The following MPP4 variants were observed in gnomAD, a reference collection of about 807,000 sequenced individuals.
The protein encoded by MPP4 is MAGUK p55 scaffold protein 4.
A neutral mutation model predicts 98.3 loss-of-function variants in MPP4; 91 were observed. The observed-to-expected ratio is 0.93, with a 90% CI of 0.78 to 1.10. MPP4 has a LOEUF of 1.10. Among genes scored for constraint, MPP4 ranks in the 50% least tolerant of loss-of-function variants. The pLI, the probability that MPP4 is intolerant of heterozygous loss-of-function variation, is 0.00. For synonymous variants in MPP4, 261 were observed against 271.8 expected, an observed-to-expected ratio of 0.96 and a Z score of 0.39; for missense variants, 744 against 792.9, an observed-to-expected ratio of 0.94 and a Z score of 0.74.
intron 18 of MPP4, chr2:201,651,397 T>G (rs1687709183): frequency 5.1e-6 from 5 of 985,408 alleles, no homozygotes; most frequent in Non-Finnish European, 6.0e-6. Flanking sequence ...TAAAACCTTA[T>G]AGCTCTCAGG....
intron 7 of MPP4, 103 bp downstream of exon 7, chr2:201,684,947 CAAAAAAAAAAAAAG>C: frequency 1.4e-5 from 7 of 512,682 alleles, no homozygotes; most frequent in Non-Finnish European, 1.9e-5. Flanking sequence ...GACTCCATCT[CAAAAAAAAAAAAAG>C]AAAAAAAAAA....
At chr2:201,695,211 A>G (rs1456901292) in intron 1 of MPP4, among the ~76,000 whole-genome samples, 3 of 152,140 alleles carry the variant, frequency 2.0e-5, no homozygotes. Context: ...TACCTGCTCC[A>G]AGATGGCAGC....
Position 201,682,881 on chromosome 2 carries a change from TCA to T in MPP4, c.608_609del (p.Val203GlufsTer6). The T allele has an allele frequency of 6.2e-7, 1 of 1,613,956 alleles. No homozygotes were observed. Among genetic ancestry groups the T allele is most frequent in the Non-Finnish European group, 8.5e-7 (1 of 1,179,858 alleles). On this transcript the variant is annotated frameshift_variant, in exon 8 of 22. Coordinates refer to ENST00000409474, the MANE Select transcript of MPP4 (RefSeq NM_033066.3). LOFTEE classifies it high-confidence loss of function. ...LLYAGDKLVE[V>X]NGVSVEGLDP... is the part of the protein sequence containing the mutation. ...TCCAGTCCCTCAACTGAAACTCCAT[TCA>T]CTTCTACCAGTTTGTCTCCAGCATA... is the stretch of plus-strand genomic sequence containing the variant.
chr2:201,657,626 G>A (rs1378136825), intron 16 of MPP4, among the ~76,000 whole-genome samples: 5 of 63,290 alleles, frequency 7.9e-5, no homozygotes, highest in South Asian at 4.7e-4. Flanking sequence ...TTTGCTTATT[G>A]TATCAATCAA....
intron 11 of MPP4, among the ~76,000 whole-genome samples, chr2:201,670,171 C>T (rs896955357): frequency 6.6e-6 from 1 of 152,140 alleles, no homozygotes; most frequent in Non-Finnish European, 1.5e-5. Context: ...ACTATAAGTG[C>T]ACCTTCAGTA....
At position 201,693,005 on chromosome 2, in the gene MPP4, A is replaced by G. The variant is rs774409591; in HGVS notation, c.104T>C (p.Val35Ala). The part of the protein sequence containing the change: ...QNGLSQILRL[V>A]LQELSLFYGR... Reference sequence around the variant, plus strand: ...GTAGAACAGACTCAGCTCTTGCAGCACAAGCCTCAGGATCTGGGAGAGGCC... The same window carrying G: ...GTAGAACAGACTCAGCTCTTGCAGCGCAAGCCTCAGGATCTGGGAGAGGCC... Residue 35 changes from valine (V) to alanine (A), a missense_variant, in exon 3 of 22, where the codon GTG (valine) becomes GCG (alanine). Physicochemically the swap from Val to Ala is moderately conservative, Grantham distance 64. Coordinates refer to ENST00000409474, the MANE Select transcript of MPP4 (RefSeq NM_033066.3). 1.2e-6 allele frequency: 2 copies of G among 1,612,950 alleles called. No individual in the cohort carries two copies. Among genetic ancestry groups the G allele is most frequent in the Admixed American group, 3.3e-5 (2 of 59,910 alleles).
chr2:201,692,814 A>T, intron 3 of MPP4, 94 bp downstream of exon 3: 12 of 1,500,830 alleles, frequency 8.0e-6, no homozygotes, highest in Non-Finnish European at 9.8e-6. Context: ...AAACTATTCC[A>T]CTATCCAGCC....
chr2:201,649,012 G>C (rs4675210), intron 20 of MPP4, among the ~76,000 whole-genome samples: 76,350 of 152,032 alleles, frequency 0.5, 19,304 homozygotes, highest in East Asian at 0.68. Context: ...TGCAGTGAGC[G>C]GAGATCATGC....
At chr2:201,661,954 G>A in intron 14 of MPP4, 2 of 307,484 alleles carry the variant, frequency 6.5e-6, no homozygotes, top group Non-Finnish European at 6.4e-6. Flanking sequence ...AGCCAAATGG[G>A]CAAGTATAAA....
intron 20 of MPP4, 75 bp downstream of exon 20, chr2:201,649,501 C>A (rs1574596346): frequency 2.8e-6 from 3 of 1,061,940 alleles, no homozygotes; most frequent in Middle Eastern, 2.0e-4. Flanking sequence ...TCAACTATAA[C>A]CTACAGCATG....
chr2:201,650,451 G>A (rs577323142), intron 18 of MPP4: 1 of 985,344 alleles, frequency 1.0e-6, no homozygotes, highest in South Asian at 4.7e-5. Flanking sequence ...TTCAAAATAA[G>A]TGCTAGTGAA....
At chr2:201,681,275 T>C (rs1688658582) in intron 9 of MPP4, among the ~76,000 whole-genome samples, 1 of 152,218 alleles carries the variant, frequency 6.6e-6, no homozygotes, top group African/African-American at 2.4e-5. Context: ...CAAATGTTCA[T>C]GATTTTTTAT....
intron 10 of MPP4, among the ~76,000 whole-genome samples, chr2:201,679,042 C>T (rs1367223944): frequency 1.3e-5 from 2 of 152,096 alleles, no homozygotes; most frequent in Admixed American, 1.3e-4. Flanking sequence ...GCAATCTCTC[C>T]TTAATTTTAA....
Position 201,656,480 on chromosome 2 carries a change from T to A in MPP4, c.1130-112A>T, listed in dbSNP as rs537381429. 4.5e-5 allele frequency: 48 copies of A among 1,060,172 alleles called. No homozygotes were observed. The African/African-American group carries it at 7.0e-4, about 15-fold the overall frequency. 65.7% of individuals were successfully genotyped at this position (1,060,172 alleles called of 1,614,324 possible). The stretch of plus-strand genomic sequence containing the variant: ...GATCCTAAAGTGTTCATTAATATAG[T>A]CAGGTCTGTCTGAAGTTAGAAGATG... On this transcript the variant is annotated intron_variant, in intron 16 of 21. Coordinates refer to ENST00000409474, the MANE Select transcript of MPP4 (RefSeq NM_033066.3).
intron 11 of MPP4, among the ~76,000 whole-genome samples, 182 bp from the exon 12 acceptor site, chr2:201,669,932 A>G (rs976207348): frequency 6.6e-6 from 1 of 152,242 alleles, no homozygotes; most frequent in African/African-American, 2.4e-5. Context: ...TGAATACTTT[A>G]TAAAACTGAT....
intron 7 of MPP4, 32 bp downstream of exon 7, chr2:201,685,032 G>A (rs1388706531): frequency 4.4e-6 from 7 of 1,581,498 alleles, no homozygotes; most frequent in Admixed American, 1.7e-5. Flanking sequence ...CTGTTTTTCT[G>A]GTAACTCTCA....
intron 10 of MPP4, among the ~76,000 whole-genome samples, chr2:201,678,420 C>A (rs1308834248): frequency 1.3e-5 from 2 of 152,188 alleles, no homozygotes; most frequent in African/African-American, 4.8e-5. Flanking sequence ...ACCTCAGCCT[C>A]TTCTTTGAGC....
intron 15 of MPP4, among the ~76,000 whole-genome samples, chr2:201,659,278 C>T (rs1687954464): frequency 1.3e-5 from 2 of 152,016 alleles, no homozygotes; most frequent in African/African-American, 4.8e-5. Flanking sequence ...TATTTTCTCC[C>T]TCTTAAAAGG....
intron 11 of MPP4, among the ~76,000 whole-genome samples, chr2:201,671,125 T>A (rs1411657021): frequency 4.0e-5 from 6 of 151,422 alleles, no homozygotes; most frequent in Admixed American, 3.3e-4. Flanking sequence ...AGCACAAAAC[T>A]GGGCGGCCGT....
Sources: allele counts gnomAD v4.1 joint callset (sites outside exome capture counted in the v4.1 genomes callset), GRCh38; gene constraint gnomAD v4.1.1; transcripts MANE v1.5; gene names NCBI Gene and HGNC (gene_info 2026-07-23, HGNC 2026-07-21).